Variants in PCDHA3 observed in about 807,000 individuals in gnomAD.
PCDHA3 encodes the protein protocadherin alpha-3.
A neutral mutation model predicts 62.2 loss-of-function variants in PCDHA3; 41 were observed. The observed-to-expected ratio is 0.66, with a 90% CI of 0.51 to 0.86. PCDHA3 has a LOEUF of 0.86. Among genes scored for constraint, PCDHA3 ranks in the 40% least tolerant of loss-of-function variants. PCDHA3 has a pLI of 0.00. For synonymous variants in PCDHA3, 640 were observed against 555.4 expected, an observed-to-expected ratio of 1.15 and a Z score of -2.14; for missense variants, 1,304 against 1,241.2, an observed-to-expected ratio of 1.05 and a Z score of -0.76.
intron 3 of PCDHA3, among the ~76,000 whole-genome samples, chr5:140,983,909 C>G (rs2097076070): frequency 6.6e-6 from 1 of 152,226 alleles, no homozygotes. Flanking sequence ...TGATTCTAAT[C>G]AGCCAGGATT....
At chr5:140,814,542 C>T (rs1765537891) in intron 1 of PCDHA3, 1 of 151,272 alleles carries the variant, frequency 6.6e-6, no homozygotes, top group Non-Finnish European at 1.5e-5. Flanking sequence ...AAAGCAGTAA[C>T]ATTTACTATC....
At chr5:140,911,160 G>A (rs1226577638) in intron 1 of PCDHA3, among the ~76,000 whole-genome samples, 1 of 152,086 alleles carries the variant, frequency 6.6e-6, no homozygotes, top group African/African-American at 2.4e-5. Context: ...AGACAAATGT[G>A]GAAAGGCTGA....
At chr5:140,983,408 A>C (rs1554245369) in intron 3 of PCDHA3, among the ~76,000 whole-genome samples, 1 of 152,208 alleles carries the variant, frequency 6.6e-6, no homozygotes, top group East Asian at 1.9e-4. Context: ...GGGAAGATTA[A>C]GTGTTGGTAG....
intron 1 of PCDHA3, among the ~76,000 whole-genome samples, chr5:140,845,729 T>C (rs952746067): frequency 6.7e-6 from 1 of 149,682 alleles, no homozygotes; most frequent in Non-Finnish European, 1.5e-5. Flanking sequence ...TAAATGTGAA[T>C]TCTACTTTAT....
intron 1 of PCDHA3, chr5:140,815,720 A>G (rs2150041009): frequency 6.6e-6 from 1 of 152,256 alleles, no homozygotes; most frequent in South Asian, 2.1e-4. Context: ...AGCATCCCCT[A>G]ATTTTAACTC....
At chr5:140,986,511 C>T (rs181646630) in intron 3 of PCDHA3, among the ~76,000 whole-genome samples, 76 of 152,288 alleles carry the variant, frequency 5.0e-4, no homozygotes, top group African/African-American at 1.8e-3. Context: ...AAGGACTGCC[C>T]CTGCCTGTGA....
chr5:140,895,920 C>T (rs1347672044), intron 1 of PCDHA3, among the ~76,000 whole-genome samples: 1 of 152,202 alleles, frequency 6.6e-6, no homozygotes, highest in African/African-American at 2.4e-5. Flanking sequence ...CAACAATTAT[C>T]CTGCCTCAGC....
chr5:140,808,409 G>A (rs1554124521), intron 1 of PCDHA3: 1 of 1,614,154 alleles, frequency 6.2e-7, no homozygotes. Context: ...CTACTCGTTG[G>A]TGCTGGACAG....
At chr5:140,808,424 C>T (rs1554124532) in intron 1 of PCDHA3, 1 of 1,614,174 alleles carries the variant, frequency 6.2e-7, no homozygotes, top group Admixed American at 1.7e-5. Flanking sequence ...GGACAGTGCC[C>T]TGGACCGCGA....
chr5:140,876,297 A>G, intron 1 of PCDHA3: 1 of 1,614,092 alleles, frequency 6.2e-7, no homozygotes, highest in Non-Finnish European at 8.5e-7. Flanking sequence ...GACTTAATGG[A>G]GAAATTTCCT....
At chr5:140,984,227 T>C (rs571404372) in intron 3 of PCDHA3, among the ~76,000 whole-genome samples, 1 of 152,336 alleles carries the variant, frequency 6.6e-6, no homozygotes, top group Admixed American at 6.5e-5. Context: ...CTTGCTCTTA[T>C]GGAGGCATTG....
intron 1 of PCDHA3, among the ~76,000 whole-genome samples, chr5:140,933,650 CCTGTCTCTCTCT>C (rs1218539002): frequency 2.6e-5 from 4 of 151,890 alleles, no homozygotes; most frequent in South Asian, 2.1e-4. Context: ...AGTTGGAAAT[CCTGTCTCTCTCT>C]CTGTCTCTCT....
chr5:140,839,928 G>A (rs1237791336), intron 1 of PCDHA3, among the ~76,000 whole-genome samples: 1 of 152,036 alleles, frequency 6.6e-6, no homozygotes, highest in Non-Finnish European at 1.5e-5. Context: ...CTTGAACAAA[G>A]AGTGTGCCAA....
intron 1 of PCDHA3, chr5:140,884,195 C>T: frequency 6.2e-7 from 1 of 1,613,394 alleles, no homozygotes; most frequent in Non-Finnish European, 8.5e-7. Flanking sequence ...GGTGGACGCG[C>T]CGCACCACCG....
At chr5:140,968,776 A>C in intron 1 of PCDHA3, 1 of 1,614,200 alleles carries the variant, frequency 6.2e-7, no homozygotes, top group Non-Finnish European at 8.5e-7. Flanking sequence ...AGCCATCACT[A>C]TCAGCCTCTG....
chr5:140,976,982 T>G (rs1348911349), intron 1 of PCDHA3, among the ~76,000 whole-genome samples: 1 of 152,240 alleles, frequency 6.6e-6, no homozygotes, highest in African/African-American at 2.4e-5. Flanking sequence ...CTGCCTGATC[T>G]TACTGCCATA....
At chr5:140,885,073 T>TA (rs1196857475) in intron 1 of PCDHA3, among the ~76,000 whole-genome samples, 2 of 152,226 alleles carry the variant, frequency 1.3e-5, no homozygotes, top group African/African-American at 4.8e-5. Context: ...GATATTATTT[T>TA]AAAGAGCCCC....
intron 1 of PCDHA3, chr5:140,824,610 G>GTTGTTTT (rs1768193318): frequency 1.1e-5 from 1 of 95,104 alleles, no homozygotes; most frequent in African/African-American, 4.9e-5. Flanking sequence ...GCTAATTAAA[G>GTTGTTTT]TTTTTTTTTT....
chr5:140,869,059 C>T (rs782790799), intron 1 of PCDHA3: 1 of 1,555,654 alleles, frequency 6.4e-7, no homozygotes, highest in East Asian at 2.2e-5. Context: ...GAATCTGGTA[C>T]TGTAAGTGTA....
Sources: gnomAD v4.1 joint callset for allele counts (sites outside exome capture counted in the v4.1 genomes callset) on GRCh38, gnomAD v4.1.1 for gene constraint, MANE v1.5 for transcripts, NCBI Gene and HGNC (gene_info 2026-07-23, HGNC 2026-07-21) for gene names.